Variants in ELF1 observed in about 807,000 individuals in gnomAD.
ELF1 encodes the protein E74 like ETS transcription factor 1.
A neutral mutation model predicts 59.9 loss-of-function variants in ELF1; 24 were observed. The ratio of observed to expected loss-of-function variants is 0.40; its 90% CI spans 0.29 to 0.56. The LOEUF is 0.56. Ranked by LOEUF, ELF1 falls within the 20% of genes least tolerant of loss-of-function variation. ELF1 has a pLI of 0.44. For synonymous variants in ELF1, 248 were observed against 266.2 expected, an observed-to-expected ratio of 0.93 and a Z score of 0.67; for missense variants, 627 against 742.2, an observed-to-expected ratio of 0.84 and a Z score of 1.80.
At chr13:41,018,056 A>G (rs2138386705) in intron 1 of ELF1, among the ~76,000 whole-genome samples, 1 of 152,360 alleles carries the variant, frequency 6.6e-6, no homozygotes, top group East Asian at 1.9e-4. Context: ...TTAATCTGAC[A>G]GGCCTTCAAG....
chr13:41,039,449 C>A (rs897015793), intron 1 of ELF1, among the ~76,000 whole-genome samples: 1 of 150,398 alleles, frequency 6.6e-6, no homozygotes, highest in Non-Finnish European at 1.5e-5. Context: ...ACTTAAAAAA[C>A]GAAAACTAGA....
chr13:40,960,460 A>G (rs189405279), intron 2 of ELF1, among the ~76,000 whole-genome samples: 1 of 152,294 alleles, frequency 6.6e-6, no homozygotes, highest in East Asian at 1.9e-4. Flanking sequence ...TTGGGTTTGT[A>G]TATTTCCTTA....
chr13:40,998,705 T>G (rs1218752015), intron 1 of ELF1, among the ~76,000 whole-genome samples: 1 of 151,946 alleles, frequency 6.6e-6, no homozygotes, highest in Non-Finnish European at 1.5e-5. Flanking sequence ...ATATAATTTC[T>G]CAATCAATTT....
intron 2 of ELF1, among the ~76,000 whole-genome samples, chr13:40,971,004 A>G (rs547239805): frequency 2.0e-5 from 3 of 152,290 alleles, no homozygotes; most frequent in Non-Finnish European, 4.4e-5. Flanking sequence ...ACTAGGCTAT[A>G]TATTATTGAC....
intron 1 of ELF1, among the ~76,000 whole-genome samples, chr13:41,040,863 T>C (rs192871773): frequency 6.6e-6 from 1 of 152,288 alleles, no homozygotes; most frequent in East Asian, 1.9e-4. Context: ...TATTTGTTAC[T>C]CGGTATTTAA....
chr13:40,987,541 C>G (rs1873618819), intron 1 of ELF1, among the ~76,000 whole-genome samples: 1 of 141,884 alleles, frequency 7.0e-6, no homozygotes, highest in Non-Finnish European at 1.5e-5. Flanking sequence ...AGCCGAGGCA[C>G]GCCACTATAC....
intron 1 of ELF1, among the ~76,000 whole-genome samples, chr13:41,050,339 T>C (rs952730595): frequency 6.6e-6 from 1 of 152,180 alleles, no homozygotes; most frequent in African/African-American, 2.4e-5. Flanking sequence ...AGAATTTCCT[T>C]CCTTTTTAAG....
intron 5 of ELF1, 72 bp downstream of exon 5, chr13:40,949,734 G>A (rs1870728165): frequency 6.6e-7 from 1 of 1,520,350 alleles, no homozygotes. Flanking sequence ...AAAGAACTAT[G>A]TAGAATAAAA....
At chr13:40,971,092 C>G (rs1414756768) in intron 2 of ELF1, among the ~76,000 whole-genome samples, 33 of 151,780 alleles carry the variant, frequency 2.2e-4, no homozygotes, top group African/African-American at 7.5e-4. Context: ...AGTTTAACCA[C>G]TACCAGTACA....
chr13:40,956,334 T>C (rs1386485708), intron 3 of ELF1, among the ~76,000 whole-genome samples: 4 of 152,022 alleles, frequency 2.6e-5, no homozygotes, highest in South Asian at 2.1e-4. Flanking sequence ...GGATTAAGGG[T>C]GGTGCAAGAT....
chr13:40,932,531 A>T lies in ELF1; in HGVS notation c.*894T>A, dbSNP rs1218450785. 1 of 152,174 alleles carries T rather than the reference A, an allele frequency of 6.6e-6. No individual in the cohort carries two copies. The highest frequency in any genetic ancestry group is 2.4e-5 in the African/African-American group (1 of 41,432). The allele number at this position is 152,174 out of a possible 1,614,324, so 9.4% of individuals were successfully genotyped here. A position where few individuals can be genotyped will look rare whatever the true frequency, so the allele number is the denominator to read the frequency against. On this transcript the variant is annotated 3_prime_UTR_variant, in exon 9 of 9. Coordinates refer to ENST00000239882, the MANE Select transcript of ELF1 (RefSeq NM_172373.4). Reference sequence around the variant, plus strand: ...ATGGACCGCAAAGCACAGTGGCCTAAAGAGTTAGTAAACAAATTATTTAGG... The same window carrying T: ...ATGGACCGCAAAGCACAGTGGCCTATAGAGTTAGTAAACAAATTATTTAGG...
chr13:41,026,063 C>A lies in ELF1; in HGVS notation c.-229+34775G>T, dbSNP rs1484157745. ...TTGATCACCTTTCCCCTCAAGGTAACATATTAGTCCATTATATCAATGACA... is the reference window on the plus strand; with the variant it reads ...TTGATCACCTTTCCCCTCAAGGTAAAATATTAGTCCATTATATCAATGACA... On this transcript the variant is annotated intron_variant, in intron 1 of 1. Transcript: ENST00000405737. Among the ~76,000 whole-genome samples the A allele has an allele frequency of 3.9e-5, 6 of 152,312 alleles. No homozygotes were observed. The East Asian group carries it at 1.2e-3, about 29-fold the overall frequency.
At chr13:41,018,576 A>G (rs1875553448) in intron 1 of ELF1, among the ~76,000 whole-genome samples, 1 of 152,128 alleles carries the variant, frequency 6.6e-6, no homozygotes, top group South Asian at 2.1e-4. Context: ...CCTCTATTTA[A>G]TATTCACTTT....
chr13:40,949,112 A>C (rs1870683558), intron 5 of ELF1, among the ~76,000 whole-genome samples: 1 of 151,916 alleles, frequency 6.6e-6, no homozygotes, highest in Non-Finnish European at 1.5e-5. Context: ...CAGCTTCCCA[A>C]GTAGCTGGGA....
At chr13:41,057,365 T>C (rs1219354284) in intron 1 of ELF1, among the ~76,000 whole-genome samples, 1 of 151,864 alleles carries the variant, frequency 6.6e-6, no homozygotes, top group African/African-American at 2.4e-5. Flanking sequence ...GCTCTTGTTA[T>C]GTTGTCCAGG....
intron 1 of ELF1, 107 bp from the exon 2 acceptor site, chr13:40,982,389 T>G (rs903158189): frequency 1.4e-6 from 1 of 731,686 alleles, no homozygotes; most frequent in Non-Finnish European, 1.7e-6. Context: ...ATTATTAACG[T>G]TTTTAAATAA....
chr13:40,975,643 G>T (rs1447372875), intron 2 of ELF1, among the ~76,000 whole-genome samples: 1 of 152,146 alleles, frequency 6.6e-6, no homozygotes, highest in East Asian at 1.9e-4. Context: ...TGGCTACATT[G>T]TCCCTGCACC....
At chr13:41,050,181 C>T (rs1326402526) in intron 1 of ELF1, among the ~76,000 whole-genome samples, 3 of 152,086 alleles carry the variant, frequency 2.0e-5, no homozygotes, top group Non-Finnish European at 2.9e-5. Context: ...TTCTCCCTTA[C>T]CCCCAGTTCC....
chr13:40,995,200 T>A (rs1874069391), intron 1 of ELF1, among the ~76,000 whole-genome samples: 2 of 152,224 alleles, frequency 1.3e-5, no homozygotes, highest in African/African-American at 4.8e-5. Flanking sequence ...GATCGGCCCT[T>A]ACTACCTCTA....
Sources: allele counts gnomAD v4.1 joint callset (sites outside exome capture counted in the v4.1 genomes callset), GRCh38; gene constraint gnomAD v4.1.1; transcripts MANE v1.5; gene names NCBI Gene and HGNC (gene_info 2026-07-23, HGNC 2026-07-21).